The following ZNF407 variants were observed in gnomAD, a reference collection of about 807,000 sequenced individuals.
ZNF407 encodes zinc finger protein 407.
Under a neutral mutation model 131.2 loss-of-function variants are expected in ZNF407, and 17 were observed. The ratio of observed to expected loss-of-function variants is 0.13; its 90% CI spans 0.09 to 0.19. ZNF407 has a LOEUF of 0.19. Ranked by LOEUF, ZNF407 falls within the 10% of genes least tolerant of loss-of-function variation. The pLI, the probability that ZNF407 is intolerant of heterozygous loss-of-function variation, is 1.00. For synonymous variants in ZNF407, 1,156 were observed against 1,062.0 expected (o/e 1.09, Z -1.72); for missense variants, 2,681 against 2,830.6 (o/e 0.95, Z 1.20).
chr18:75,004,827 T>G (rs1273464127), intron 8 of ZNF407, among the ~76,000 whole-genome samples: 1 of 152,216 alleles, frequency 6.6e-6, no homozygotes. Context: ...CCAAGTGCTT[T>G]CCTTAGCTAC....
chr18:74,868,324 A>G (rs1266566473), intron 4 of ZNF407, among the ~76,000 whole-genome samples: 1 of 152,232 alleles, frequency 6.6e-6, no homozygotes, highest in African/African-American at 2.4e-5. Flanking sequence ...AGACATACAC[A>G]TATTTGTGGG....
chr18:74,984,205 A>G (rs4891211), intron 8 of ZNF407, among the ~76,000 whole-genome samples: 25,527 of 151,962 alleles, frequency 0.17, 2,350 homozygotes, highest in Admixed American at 0.28. Flanking sequence ...GTCGTTAGCC[A>G]CTCCCAGCGA....
intron 8 of ZNF407, among the ~76,000 whole-genome samples, chr18:75,046,716 C>G (rs115027414): frequency 0.022 from 3,363 of 151,884 alleles, 46 homozygotes; most frequent in African/African-American, 0.029. Flanking sequence ...TCAATCTCCT[C>G]CCTTCTTTGG....
chr18:74,600,464 C>T (rs1982530392), intron 1 of ZNF407, among the ~76,000 whole-genome samples: 1 of 152,144 alleles, frequency 6.6e-6, no homozygotes, highest in African/African-American at 2.4e-5. Flanking sequence ...TGCCAAGCCA[C>T]TGTAGTTGTC....
rs374577893 is a variant in ZNF407 at position 74,631,524 on chromosome 18, C to T, written c.505C>T (p.Pro169Ser). Reference sequence around the variant, plus strand: ...TGATCTGGAAAGAGAATCTCCTTTCCCCCCGAAAGAAATTAGTGTTAGTTG... The same window carrying T: ...TGATCTGGAAAGAGAATCTCCTTTCTCCCCGAAAGAAATTAGTGTTAGTTG... The part of the protein sequence containing the change: ...SLDLERESPF[P>S]PKEISVSCTI... The change falls in exon 2 of 9, where the codon CCC (proline) becomes TCC (serine). Residue 169 changes from proline to serine, a missense_variant. Coordinates refer to ENST00000299687, the MANE Select transcript of ZNF407 (RefSeq NM_017757.3). 1.2e-6 allele frequency: 2 copies of T among 1,613,642 alleles called. No homozygotes were observed. The highest frequency in any genetic ancestry group is 1.7e-6 in the Non-Finnish European group (2 of 1,179,894).
intron 8 of ZNF407, chr18:75,062,262 T>C (rs924739785): frequency 6.6e-6 from 1 of 152,298 alleles, no homozygotes; most frequent in Non-Finnish European, 1.5e-5. Flanking sequence ...TCCCTGAATA[T>C]TCTTTCCTGA....
At chr18:74,725,055 G>A (rs569953599) in intron 3 of ZNF407, among the ~76,000 whole-genome samples, 6 of 152,290 alleles carry the variant, frequency 3.9e-5, no homozygotes, top group East Asian at 3.9e-4. Context: ...TTTATGTCAC[G>A]CATGTTCCTA....
chr18:74,874,253 T>C (rs1971125031), intron 4 of ZNF407, among the ~76,000 whole-genome samples: 1 of 152,208 alleles, frequency 6.6e-6, no homozygotes, highest in Non-Finnish European at 1.5e-5. Flanking sequence ...TCTCAGATTG[T>C]AATCTTTACA....
chr18:74,845,722 A>G (rs1007487983), intron 4 of ZNF407, among the ~76,000 whole-genome samples: 6 of 152,260 alleles, frequency 3.9e-5, no homozygotes, highest in African/African-American at 1.4e-4. Flanking sequence ...TTAACTGTAC[A>G]GCATGAGCTA....
intron 1 of ZNF407, among the ~76,000 whole-genome samples, chr18:74,626,869 C>T (rs1983807657): frequency 6.6e-6 from 1 of 152,144 alleles, no homozygotes; most frequent in African/African-American, 2.4e-5. Context: ...GTGGAGGGAC[C>T]AGCTGCGAAG....
intron 4 of ZNF407, among the ~76,000 whole-genome samples, chr18:74,828,882 G>T (rs1258107515): frequency 6.6e-6 from 1 of 152,198 alleles, no homozygotes; most frequent in Admixed American, 6.5e-5. Context: ...AAATGAAATA[G>T]TAAATGTAAA....
At chr18:74,856,918 G>T (rs1970866922) in intron 4 of ZNF407, among the ~76,000 whole-genome samples, 1 of 152,182 alleles carries the variant, frequency 6.6e-6, no homozygotes, top group Admixed American at 6.5e-5. Context: ...CACTGGAACT[G>T]CTATCCTGCG....
At chr18:74,900,464 C>T (rs1971509355) in intron 7 of ZNF407, among the ~76,000 whole-genome samples, 1 of 152,174 alleles carries the variant, frequency 6.6e-6, no homozygotes, top group African/African-American at 2.4e-5. Flanking sequence ...GTTTTATTTG[C>T]CACATGTGGA....
At chr18:74,644,177 CTTTTTTTTT>C (rs34393480) in intron 3 of ZNF407, among the ~76,000 whole-genome samples, 2 of 118,870 alleles carry the variant, frequency 1.7e-5, no homozygotes, top group Non-Finnish European at 3.6e-5. Flanking sequence ...TTGGGGGAAT[CTTTTTTTTT>C]TTTTTTTTTT....
At chr18:75,004,626 C>T (rs774876200) in intron 8 of ZNF407, among the ~76,000 whole-genome samples, 20 of 152,234 alleles carry the variant, frequency 1.3e-4, no homozygotes, top group Non-Finnish European at 2.6e-4. Flanking sequence ...TCGTTGAGAA[C>T]TGGAATTTCA....
intron 4 of ZNF407, among the ~76,000 whole-genome samples, chr18:74,808,264 T>G (rs1970143572): frequency 6.6e-6 from 1 of 152,216 alleles, no homozygotes. Flanking sequence ...TCCACCGGCC[T>G]TGGCCTCCCA....
Position 74,693,898 on chromosome 18 carries a change from G to A in ZNF407, c.4802+52776G>A, listed in dbSNP as rs762978319. ...TAGCCTGTTTGATATTGTCTCATAA[G>A]TTACTGATTCTGTGCTCATTTTGTT... On this transcript the variant is annotated intron_variant, in intron 3 of 8. Transcript: ENST00000299687. Among the ~76,000 whole-genome samples, 4 of 152,016 alleles carry A rather than the reference G, an allele frequency of 2.6e-5. 1 individual carries two copies.
chr18:74,958,240 C>A (rs1054260757), intron 8 of ZNF407, among the ~76,000 whole-genome samples: 1 of 152,160 alleles, frequency 6.6e-6, no homozygotes, highest in Non-Finnish European at 1.5e-5. Context: ...CAAAAGAGAA[C>A]ACTGTCGTCG....
At chr18:75,026,910 C>G (rs1167257797) in intron 8 of ZNF407, among the ~76,000 whole-genome samples, 3 of 152,208 alleles carry the variant, frequency 2.0e-5, no homozygotes, top group Non-Finnish European at 4.4e-5. Flanking sequence ...GGGTGTCAGT[C>G]CCTGTGTGAA....
Sources: allele counts gnomAD v4.1 joint callset (sites outside exome capture counted in the v4.1 genomes callset), GRCh38; gene constraint gnomAD v4.1.1; transcripts MANE v1.5; gene names NCBI Gene and HGNC (gene_info 2026-07-23, HGNC 2026-07-21).